The following FER variants were observed in gnomAD, a reference collection of about 807,000 sequenced individuals.
The protein encoded by FER is tyrosine-protein kinase Fer.
FER carries 63 observed loss-of-function variants against 111.0 expected under a neutral mutation model. The ratio of observed to expected loss-of-function variants is 0.57; its 90% confidence interval spans 0.46 to 0.70. The LOEUF is 0.70. Ranked by LOEUF, FER falls within the 30% of genes least tolerant of loss-of-function variation. The probability of loss-of-function intolerance (pLI) is 0.00; values close to 1 mark genes in which losing one functional copy is unlikely to be tolerated. For synonymous variants in FER, 327 were observed against 313.9 expected (o/e 1.04, Z -0.44); for missense variants, 914 against 954.0 (o/e 0.96, Z 0.55).
In FER at chr5:108,872,211, A is replaced by G. The variant is rs149945605; in HGVS notation, c.922A>G (p.Met308Val). Residue 308 changes from methionine (M) to valine (V), a missense_variant and splice_region_variant, in exon 8 of 20, where the codon ATG becomes GTG. Transcript: ENST00000281092. The stretch of plus-strand genomic sequence containing the variant: ...CTTAACAGCAGAAAGTTTGCAAGTA[A>G]TGTAAGTATTCACAAAATATCAACA... ...NNLTAESLQV[M>V]LKTLAEELMQ... The G allele has an allele frequency of 1.1e-4, 176 of 1,600,916 alleles. No individual in the cohort carries two copies. Among genetic ancestry groups the G allele is most frequent in the Middle Eastern group, 3.3e-4 (2 of 5,998 alleles).
intron 13 of FER, among the ~76,000 whole-genome samples, chr5:109,003,859 A>C (rs1205988466): frequency 6.6e-6 from 1 of 152,088 alleles, no homozygotes; most frequent in Non-Finnish European, 1.5e-5. Context: ...GCACACCTGT[A>C]GTCCAAGCTA....
intron 19 of FER, among the ~76,000 whole-genome samples, chr5:109,186,669 T>A (rs547464626): frequency 3.3e-5 from 5 of 152,190 alleles, no homozygotes; most frequent in African/African-American, 1.2e-4. Flanking sequence ...ATATTCCCAA[T>A]TGAAATGCAG....
chr5:108,875,607 T>C (rs1455645114), intron 8 of FER, among the ~76,000 whole-genome samples: 2 of 152,158 alleles, frequency 1.3e-5, no homozygotes, highest in Non-Finnish European at 2.9e-5. Flanking sequence ...ATTAGAAGAA[T>C]ATATTTAAGT....
intron 14 of FER, among the ~76,000 whole-genome samples, chr5:109,040,025 C>T (rs949107294): frequency 2.0e-5 from 3 of 151,944 alleles, no homozygotes; most frequent in Non-Finnish European, 4.4e-5. Flanking sequence ...TGAAATTGAA[C>T]CAATTGAATA....
At chr5:108,829,594 G>A (rs1312460221) in intron 3 of FER, among the ~76,000 whole-genome samples, 3 of 152,120 alleles carry the variant, frequency 2.0e-5, no homozygotes, top group African/African-American at 4.8e-5. Context: ...AGCCATGATC[G>A]TGCCATTGCA....
chr5:108,911,427 G>C (rs544462087), intron 10 of FER, among the ~76,000 whole-genome samples: 8 of 151,998 alleles, frequency 5.3e-5, no homozygotes, highest in Middle Eastern at 3.4e-3. Context: ...TTGTGTGTTT[G>C]TTCTGTTGAT....
In FER at chr5:109,116,203, A is replaced by G. The variant is rs376783222; in HGVS notation, c.2048+15684A>G. 6.6e-5 allele frequency among the ~76,000 whole-genome samples: 10 copies of G among 152,194 alleles called. No individual in the cohort carries two copies. In the East Asian group the frequency reaches 1.7e-3, roughly 26 times the overall value. ...TCCCGAAGAGGTCGCCATGCTTCCA[A>G]AAATCTGTAACCTATACTGGGAGAT... On this transcript the variant is annotated intron_variant, in intron 17 of 19. Transcript: ENST00000281092.
chr5:108,793,708 C>A (rs1218570074), intron 2 of FER, among the ~76,000 whole-genome samples: 2 of 151,974 alleles, frequency 1.3e-5, no homozygotes, highest in Admixed American at 6.6e-5. Flanking sequence ...TGGTCTTTTT[C>A]CTTTCCTGTC....
In FER at chr5:109,075,322, A is replaced by C. The variant is rs139341667; in HGVS notation, c.1925-25074A>C. Among the ~76,000 whole-genome samples the C allele has an allele frequency of 5.9e-5, 9 of 152,264 alleles. No individual in the cohort carries two copies. The East Asian group carries it at 1.5e-3, about 26-fold the overall frequency. ...TATGTTAATTACATCTAGTTGTAAA[A>C]CTGATCTGTAAATCAATAGCAAATA... On this transcript the variant is annotated intron_variant, in intron 16 of 19. Coordinates refer to ENST00000281092, the MANE Select transcript of FER (RefSeq NM_005246.4).
intron 17 of FER, among the ~76,000 whole-genome samples, chr5:109,144,033 G>T (rs996358829): frequency 6.1e-4 from 92 of 151,920 alleles, no homozygotes; most frequent in Non-Finnish European, 1.0e-3. Flanking sequence ...AATTTATTTT[G>T]TTTATTGCTG....
chr5:109,120,529 A>G (rs899579309), intron 17 of FER, among the ~76,000 whole-genome samples: 50 of 152,044 alleles, frequency 3.3e-4, no homozygotes, highest in African/African-American at 1.2e-3. Flanking sequence ...ATAGTCAGGT[A>G]ATGTGTTTCC....
At chr5:108,944,412 A>T (rs982926961) in intron 10 of FER, among the ~76,000 whole-genome samples, 20 of 152,116 alleles carry the variant, frequency 1.3e-4, no homozygotes, top group African/African-American at 4.3e-4. Flanking sequence ...CACCTCCTTT[A>T]TCTGGAAAAT....
intron 17 of FER, among the ~76,000 whole-genome samples, chr5:109,149,662 C>T (rs1220406093): frequency 6.6e-6 from 1 of 152,012 alleles, no homozygotes; most frequent in Non-Finnish European, 1.5e-5. Flanking sequence ...TAAAGGATTA[C>T]TTTAAAAAGG....
At chr5:108,752,507 A>C (rs1750614632) in intron 1 of FER, among the ~76,000 whole-genome samples, 1 of 151,818 alleles carries the variant, frequency 6.6e-6, no homozygotes, top group African/African-American at 2.4e-5. Context: ...GATCTGGGGG[A>C]AAAATGGAAA....
intron 8 of FER, among the ~76,000 whole-genome samples, chr5:108,874,125 A>G (rs571166543): frequency 6.6e-6 from 1 of 152,334 alleles, no homozygotes; most frequent in African/African-American, 2.4e-5. Context: ...TTACACTGAA[A>G]TTGATTAATA....
chr5:109,020,626 A>C (rs1230215752), intron 13 of FER, among the ~76,000 whole-genome samples: 1 of 151,986 alleles, frequency 6.6e-6, no homozygotes, highest in African/African-American at 2.4e-5. Context: ...ATGGATGACA[A>C]AGATTAATTA....
chr5:109,048,240 A>G (rs1772278163), intron 16 of FER, among the ~76,000 whole-genome samples: 1 of 152,134 alleles, frequency 6.6e-6, no homozygotes, highest in African/African-American at 2.4e-5. Flanking sequence ...TTTGCTTGCT[A>G]TTGAAATATT....
intron 13 of FER, among the ~76,000 whole-genome samples, chr5:109,005,368 CGT>C (rs34553897): frequency 0.07 from 10,471 of 149,424 alleles, 427 homozygotes; most frequent in South Asian, 0.12. Flanking sequence ...AAAACTATCC[CGT>C]GTGTGTGTGT....
chr5:108,798,037 C>T (rs1438177668), intron 2 of FER, 87 bp from the exon 3 acceptor site: 2 of 534,554 alleles, frequency 3.7e-6, no homozygotes, highest in Non-Finnish European at 6.6e-6. Flanking sequence ...TTTTTAACCC[C>T]AAAGAAGAAT....
Sources: gnomAD v4.1 joint callset for allele counts (sites outside exome capture counted in the v4.1 genomes callset) on GRCh38, gnomAD v4.1.1 for gene constraint, MANE v1.5 for transcripts, NCBI Gene and HGNC (gene_info 2026-07-23, HGNC 2026-07-21) for gene names.